The following ATP2B2 variants were observed in gnomAD, a reference collection of about 807,000 sequenced individuals.
The protein encoded by ATP2B2 is ATPase plasma membrane Ca2+ transporting 2, also known as plasma membrane calcium-transporting ATPase 2.
ATP2B2 carries 15 observed loss-of-function variants against 120.0 expected under a neutral mutation model. The ratio of observed to expected loss-of-function variants is 0.12; its 90% CI spans 0.08 to 0.19. The LOEUF is 0.19. Among genes scored for constraint, ATP2B2 ranks in the 10% least tolerant of loss-of-function variants. ATP2B2 has a pLI of 1.00. For missense variants in ATP2B2, 1,045 were observed against 1,719.8 expected, an observed-to-expected ratio of 0.61 and a Z score of 6.94; for synonymous variants, 694 against 700.3, an observed-to-expected ratio of 0.99 and a Z score of 0.14.
chr3:10,332,200 C>G, intron 22 of ATP2B2: 1 of 670,284 alleles, frequency 1.5e-6, no homozygotes, highest in Non-Finnish European at 2.7e-6. Flanking sequence ...CATTTCTCCC[C>G]CTAACAGTGC....
chr3:10,682,568 A>G (rs1262823768), intron 1 of ATP2B2, among the ~76,000 whole-genome samples: 1 of 152,240 alleles, frequency 6.6e-6, no homozygotes, highest in African/African-American at 2.4e-5. Context: ...GGAAATGCTT[A>G]GTGAGTGTAA....
At chr3:10,487,226 A>C (rs808933) in intron 1 of ATP2B2, among the ~76,000 whole-genome samples, 101,223 of 151,958 alleles carry the variant, frequency 0.67, 35,828 homozygotes, top group African/African-American at 0.91. Flanking sequence ...GCCTCTCCCC[A>C]CAAGCATGTG....
chr3:10,375,282 G>T lies in ATP2B2; in HGVS notation c.1416+148C>A. On this transcript the variant is annotated intron_variant, in intron 11 of 22. Coordinates refer to ENST00000360273, the MANE Select transcript of ATP2B2 (RefSeq NM_001001331.4). The surrounding 1 kb of genome is among the most constrained non-coding windows in gnomAD (Gnocchi z 4.2). Reference sequence around the variant, plus strand: ...TCTATGAAAGCGTCAGAGTTTTGGGGTCCTGCATACATTCTTCTTCCAAGC... The same window carrying T: ...TCTATGAAAGCGTCAGAGTTTTGGGTTCCTGCATACATTCTTCTTCCAAGC... The T allele has an allele frequency of 1.5e-6, 1 of 677,422 alleles. No homozygotes were observed. The highest frequency in any genetic ancestry group is 2.3e-5 in the Admixed American group (1 of 43,864). 42.0% of individuals were successfully genotyped at this position (677,422 alleles called of 1,614,324 possible).
chr3:10,693,190 G>T (rs1461165989), intron 1 of ATP2B2, among the ~76,000 whole-genome samples: 6 of 152,186 alleles, frequency 3.9e-5, no homozygotes, highest in Admixed American at 3.9e-4. Flanking sequence ...TTGGGGGCTG[G>T]GGAAATATGT....
chr3:10,515,439 A>T (rs2066858809), intron 3 of ATP2B2, among the ~76,000 whole-genome samples: 1 of 152,192 alleles, frequency 6.6e-6, no homozygotes, highest in South Asian at 2.1e-4. Context: ...TAAGAGGGTC[A>T]TTTCCTGCTC....
intron 3 of ATP2B2, among the ~76,000 whole-genome samples, chr3:10,514,039 C>A (rs2066828809): frequency 1.3e-5 from 2 of 152,302 alleles, no homozygotes; most frequent in Admixed American, 1.3e-4. Context: ...CATGTGTTGA[C>A]TCATTCAGTT....
chr3:10,460,941 TGTC>T (rs1179985686), intron 1 of ATP2B2, among the ~76,000 whole-genome samples: 1 of 152,080 alleles, frequency 6.6e-6, no homozygotes, highest in Non-Finnish European at 1.5e-5. Flanking sequence ...CCAGGGGATG[TGTC>T]TAAGTTGGGA....
At chr3:10,409,505 T>TA (rs2062533385) in intron 3 of ATP2B2, among the ~76,000 whole-genome samples, 4 of 152,210 alleles carry the variant, frequency 2.6e-5, no homozygotes, top group Admixed American at 2.6e-4. Flanking sequence ...TGGCAGCAAT[T>TA]ACAGCTGGTT....
chr3:10,623,426 T>G (rs2069606474), intron 1 of ATP2B2, among the ~76,000 whole-genome samples: 1 of 152,116 alleles, frequency 6.6e-6, no homozygotes, highest in African/African-American at 2.4e-5. Flanking sequence ...TCAAATGGTT[T>G]ATAAACTAGT....
chr3:10,633,928 C>T (rs1313049607), intron 1 of ATP2B2, among the ~76,000 whole-genome samples: 1 of 152,210 alleles, frequency 6.6e-6, no homozygotes. Context: ...TAAGGGTGGC[C>T]ATCTGACCCA....
intron 2 of ATP2B2, among the ~76,000 whole-genome samples, chr3:10,418,273 T>C (rs1263286320): frequency 6.6e-6 from 1 of 152,216 alleles, no homozygotes; most frequent in African/African-American, 2.4e-5. Flanking sequence ...AGACAACTTT[T>C]ATAAGCTACT....
At chr3:10,608,941 C>T (rs956351854) in intron 2 of ATP2B2, among the ~76,000 whole-genome samples, 1 of 152,120 alleles carries the variant, frequency 6.6e-6, no homozygotes, top group Non-Finnish European at 1.5e-5. Flanking sequence ...GGAAAGAGCT[C>T]AGGTCCTTTG....
chr3:10,368,942 A>G (rs2061148209), intron 12 of ATP2B2, among the ~76,000 whole-genome samples: 1 of 152,234 alleles, frequency 6.6e-6, no homozygotes, highest in South Asian at 2.1e-4. Flanking sequence ...CCAAAAGTCT[A>G]TCCAAGGGGG....
At position 10,629,955 on chromosome 3, in the gene ATP2B2, G is replaced by C. The variant is rs555155651; in HGVS notation, c.-459-9994C>G. Among the ~76,000 whole-genome samples, 83 of 152,316 alleles carry C rather than the reference G, an allele frequency of 5.4e-4. 2 individuals carry two copies. The South Asian group carries it at 0.017, about 31-fold the overall frequency. On this transcript the variant is annotated intron_variant, in intron 1 of 21. Coordinates refer to the ATP2B2 transcript ENST00000646379. ...TAAACACACCCAAATCTGTGACAAA[G>C]ACTGGGCAAAGCCAGTGGAGAAGCC... is the stretch of plus-strand genomic sequence containing the variant.
In ATP2B2 at chr3:10,343,331, G is replaced by T. The variant is rs917466431; in HGVS notation, c.2704-366C>A. On this transcript the variant is annotated intron_variant, in intron 18 of 22. Coordinates refer to ENST00000360273, the MANE Select transcript of ATP2B2 (RefSeq NM_001001331.4). The surrounding 1 kb of genome is among the most constrained non-coding windows in gnomAD (Gnocchi z 4.2). ...ACCATTCCCACCGCCTCCGGCATGG[G>T]CTCCTACCTCCTCCCCCCACTGCCT... Among the ~76,000 whole-genome samples, 1 of 151,838 alleles carries T rather than the reference G, an allele frequency of 6.6e-6. No homozygotes were observed. Among genetic ancestry groups the T allele is most frequent in the Non-Finnish European group, 1.5e-5 (1 of 67,944 alleles).
chr3:10,676,101 T>C (rs766136053), intron 1 of ATP2B2, among the ~76,000 whole-genome samples: 4 of 152,150 alleles, frequency 2.6e-5, no homozygotes, highest in African/African-American at 7.2e-5. Context: ...TTATGGTGCA[T>C]TGAACACTTA....
chr3:10,439,340 G>A (rs2063578560), intron 2 of ATP2B2, among the ~76,000 whole-genome samples: 1 of 152,184 alleles, frequency 6.6e-6, no homozygotes, highest in Non-Finnish European at 1.5e-5. Flanking sequence ...GGAGCTTGGA[G>A]AGGGTCTCAG....
chr3:10,602,829 G>A (rs907509454), intron 2 of ATP2B2, among the ~76,000 whole-genome samples: 29 of 152,164 alleles, frequency 1.9e-4, no homozygotes, highest in African/African-American at 6.8e-4. Flanking sequence ...TGCCCAAGGT[G>A]AGCTCCTGGC....
At chr3:10,612,017 A>G (rs760505194) in intron 2 of ATP2B2, among the ~76,000 whole-genome samples, 2 of 151,922 alleles carry the variant, frequency 1.3e-5, no homozygotes, top group Non-Finnish European at 2.9e-5. Flanking sequence ...CGCATTTTAC[A>G]CTCTCTGTTC....
Sources: gnomAD v4.1 joint callset for allele counts (sites outside exome capture counted in the v4.1 genomes callset) on GRCh38, gnomAD v4.1.1 for gene constraint, Gnocchi (gnomAD v3.1) non-coding constraint, MANE v1.5 for transcripts, NCBI Gene and HGNC (gene_info 2026-07-23, HGNC 2026-07-21) for gene names.